WWOX: variants seen among roughly 807,000 people sequenced by gnomAD.
WWOX encodes the protein WW domain containing oxidoreductase.
WWOX carries 69 observed loss-of-function variants against 46.2 expected under a neutral mutation model. The observed-to-expected ratio is 1.49, with a 90% confidence interval of 1.23 to 1.82. The LOEUF (loss-of-function observed/expected upper bound fraction) is 1.82, where lower values mean the gene tolerates loss of function less well. Among genes scored for constraint, WWOX ranks in the 40% most tolerant of loss-of-function variants. The probability of loss-of-function intolerance (pLI) is 0.00; values close to 1 mark genes in which losing one functional copy is unlikely to be tolerated. For synonymous variants in WWOX, 359 were observed against 202.6 expected, an observed-to-expected ratio of 1.77 and a Z score of -6.56; for missense variants, 919 against 542.6, an observed-to-expected ratio of 1.69 and a Z score of -6.89.
At chr16:78,428,917 A>G (rs1157421233) in intron 7 of WWOX, among the ~76,000 whole-genome samples, 2 of 152,208 alleles carry the variant, frequency 1.3e-5, no homozygotes, top group African/African-American at 4.8e-5. Context: ...AACATAGAAG[A>G]GTTGAACCTA....
chr16:79,042,925 T>A (rs1484285700), intron 8 of WWOX, among the ~76,000 whole-genome samples: 1 of 152,222 alleles, frequency 6.6e-6, no homozygotes, highest in Non-Finnish European at 1.5e-5. Context: ...CAGAATTTCA[T>A]GATGAGCAAA....
chr16:78,871,246 G>A (rs371797574), intron 8 of WWOX, among the ~76,000 whole-genome samples: 26 of 152,008 alleles, frequency 1.7e-4, no homozygotes, highest in East Asian at 7.8e-4. Flanking sequence ...AAAGAGGGGG[G>A]ATTTTTCCCC....
At chr16:78,771,548 G>A (rs1036305080) in intron 8 of WWOX, among the ~76,000 whole-genome samples, 2 of 152,098 alleles carry the variant, frequency 1.3e-5, no homozygotes, top group Non-Finnish European at 2.9e-5. Context: ...GAGATGGGCG[G>A]ATCACTTGAG....
At chr16:78,467,675 T>G (rs2084113979) in intron 8 of WWOX, among the ~76,000 whole-genome samples, 1 of 152,194 alleles carries the variant, frequency 6.6e-6, no homozygotes, top group Admixed American at 6.5e-5. Context: ...GAGATAAAGC[T>G]TTGCTTAATT....
intron 8 of WWOX, among the ~76,000 whole-genome samples, chr16:78,851,783 A>T (rs768359539): frequency 3.3e-5 from 5 of 152,226 alleles, no homozygotes; most frequent in African/African-American, 4.8e-5. Flanking sequence ...GCTGTAGATG[A>T]ACTGTTCAAA....
chr16:78,939,164 A>T (rs115720207), intron 8 of WWOX, among the ~76,000 whole-genome samples: 72 of 152,288 alleles, frequency 4.7e-4, no homozygotes, highest in African/African-American at 1.6e-3. Context: ...GCTATTACAG[A>T]TGCCTCCCAG....
At chr16:79,009,271 C>G (rs1354553171) in intron 8 of WWOX, among the ~76,000 whole-genome samples, 3 of 152,158 alleles carry the variant, frequency 2.0e-5, no homozygotes, top group African/African-American at 7.2e-5. Flanking sequence ...TAAAGTTTCT[C>G]CTGCTCTTTG....
chr16:78,459,006 TA>T (rs1323797233), intron 8 of WWOX, among the ~76,000 whole-genome samples: 3 of 152,230 alleles, frequency 2.0e-5, no homozygotes, highest in Non-Finnish European at 4.4e-5. Flanking sequence ...TTGGTCCTAT[TA>T]ATTACAACCT....
intron 8 of WWOX, among the ~76,000 whole-genome samples, chr16:78,637,132 C>T (rs948976258): frequency 6.6e-6 from 1 of 152,152 alleles, no homozygotes; most frequent in Non-Finnish European, 1.5e-5. Context: ...CTAATCTTCA[C>T]AATAACTCTG....
At chr16:79,132,601 C>G (rs1597403265) in intron 8 of WWOX, among the ~76,000 whole-genome samples, 1 of 152,202 alleles carries the variant, frequency 6.6e-6, no homozygotes, top group East Asian at 1.9e-4. Context: ...CTCTGTGTCT[C>G]TCTTTTTCCC....
intron 8 of WWOX, among the ~76,000 whole-genome samples, chr16:78,808,029 T>A (rs2051087995): frequency 6.6e-6 from 1 of 152,310 alleles, no homozygotes; most frequent in Admixed American, 6.5e-5. Context: ...CCAGTTCAAA[T>A]GTCCCATCTT....
chr16:79,036,390 A>G (rs1407743056), intron 8 of WWOX, among the ~76,000 whole-genome samples: 1 of 152,194 alleles, frequency 6.6e-6, no homozygotes, highest in South Asian at 2.1e-4. Context: ...TTTAAGTCCC[A>G]TTCTTGCCTC....
intron 8 of WWOX, among the ~76,000 whole-genome samples, chr16:79,060,112 T>G (rs2048332369): frequency 1.3e-5 from 2 of 152,198 alleles, no homozygotes; most frequent in Non-Finnish European, 1.5e-5. Context: ...CATTGTTGTT[T>G]CTGTGTCAAC....
At chr16:78,630,575 G>T (rs995753819) in intron 8 of WWOX, among the ~76,000 whole-genome samples, 1 of 152,180 alleles carries the variant, frequency 6.6e-6, no homozygotes, top group Admixed American at 6.5e-5. Context: ...CTAATTAAAT[G>T]CATCCTGTGT....
intron 6 of WWOX, among the ~76,000 whole-genome samples, chr16:78,411,374 G>C (rs1369536176): frequency 6.6e-6 from 1 of 152,144 alleles, no homozygotes; most frequent in Non-Finnish European, 1.5e-5. Context: ...GTGTTGATTA[G>C]AGGGAAATTT....
chr16:78,749,980 CTCT>C (rs1041978991), intron 8 of WWOX, among the ~76,000 whole-genome samples: 1 of 152,134 alleles, frequency 6.6e-6, no homozygotes, highest in African/African-American at 2.4e-5. Flanking sequence ...GGCAGAGTGA[CTCT>C]CAGCTCCCCC....
At chr16:78,600,614 A>C (rs1282875785) in intron 8 of WWOX, among the ~76,000 whole-genome samples, 1 of 152,140 alleles carries the variant, frequency 6.6e-6, no homozygotes, top group Admixed American at 6.5e-5. Context: ...TTGTGACTGC[A>C]CAGCTACCCT....
chr16:78,534,765 A>T (rs1441820149), intron 8 of WWOX, among the ~76,000 whole-genome samples: 1 of 151,672 alleles, frequency 6.6e-6, no homozygotes, highest in Non-Finnish European at 1.5e-5. Flanking sequence ...GCTGGAGTGC[A>T]GTGGCACAAT....
intron 5 of WWOX, among the ~76,000 whole-genome samples, chr16:78,165,682 C>T (rs567276291): frequency 6.6e-6 from 1 of 152,138 alleles, no homozygotes; most frequent in Non-Finnish European, 1.5e-5. Context: ...TGAAAGATTT[C>T]TTGCCATTTG....
Sources: gnomAD v4.1 joint callset for allele counts (sites outside exome capture counted in the v4.1 genomes callset) on GRCh38, gnomAD v4.1.1 for gene constraint, MANE v1.5 for transcripts, NCBI Gene and HGNC (gene_info 2026-07-23, HGNC 2026-07-21) for gene names.